The following CHCHD6 variants were observed in gnomAD, a reference collection of about 807,000 sequenced individuals.
CHCHD6 encodes the protein MICOS complex subunit MIC25.
Under a neutral mutation model 32.3 loss-of-function variants are expected in CHCHD6, and 28 were observed. That is an observed-to-expected ratio of 0.87 (90% CI 0.64 to 1.19). CHCHD6 has a LOEUF of 1.19. CHCHD6 is among the 50% of genes most tolerant of loss of function. The pLI is 0.00. For missense variants in CHCHD6, 333 were observed against 307.0 expected (o/e 1.08, Z -0.63); for synonymous variants, 122 against 117.5 (o/e 1.04, Z -0.25).
At chr3:126,808,649 AT>A (rs1939520824) in intron 4 of CHCHD6, among the ~76,000 whole-genome samples, 1 of 152,166 alleles carries the variant, frequency 6.6e-6, no homozygotes, top group African/African-American at 2.4e-5. Context: ...TTTTGGCATT[AT>A]TAACTGAAGA....
chr3:126,944,444 T>C (rs150571109), intron 6 of CHCHD6, among the ~76,000 whole-genome samples: 204 of 152,392 alleles, frequency 1.3e-3, no homozygotes, highest in African/African-American at 4.7e-3. Flanking sequence ...GTGAGGACCT[T>C]ACAGCCGAGG....
intron 4 of CHCHD6, among the ~76,000 whole-genome samples, chr3:126,842,227 ACT>A (rs1941118612): frequency 6.6e-6 from 1 of 152,016 alleles, no homozygotes. Flanking sequence ...ACAGAGTGAG[ACT>A]CTGTCTTTTT....
intron 4 of CHCHD6, among the ~76,000 whole-genome samples, chr3:126,744,575 G>T (rs567817641): frequency 1.2e-4 from 18 of 152,344 alleles, no homozygotes; most frequent in African/African-American, 3.8e-4. Flanking sequence ...TGGAAGCCCA[G>T]TTGGCAGTGG....
chr3:126,896,794 T>G (rs1300091724), intron 5 of CHCHD6, among the ~76,000 whole-genome samples: 3 of 152,118 alleles, frequency 2.0e-5, no homozygotes, highest in African/African-American at 7.2e-5. Flanking sequence ...GGATATGGAC[T>G]CGTGGGTGCT....
At chr3:126,763,639 C>T (rs890044906) in intron 4 of CHCHD6, among the ~76,000 whole-genome samples, 3 of 152,166 alleles carry the variant, frequency 2.0e-5, no homozygotes, top group Admixed American at 2.0e-4. Flanking sequence ...CCACACTCAG[C>T]CTCATTTCTT....
intron 7 of CHCHD6, 109 bp from the exon 8 acceptor site, chr3:126,960,087 C>A: frequency 7.3e-7 from 1 of 1,373,376 alleles, no homozygotes; most frequent in Non-Finnish European, 1.0e-6. Context: ...GGGAGACCAA[C>A]TCACAGCTGC....
Position 126,730,572 on chromosome 3 carries a change from C to T in CHCHD6, c.208C>T (p.Pro70Ser), listed in dbSNP as rs765482402. The change falls in exon 3 of 8, where the codon CCC becomes TCC. Residue 70 changes from proline (P) to serine (S), a missense_variant. Physicochemically the swap from Pro to Ser is moderately conservative, Grantham distance 74. Coordinates refer to ENST00000290913, the MANE Select transcript of CHCHD6 (RefSeq NM_032343.3). ...LRAPHKESTL[P>S]RSGSSGGQQP... ...TCTTTCCTTTGCAGAATCCACACTG[C>T]CCAGGTCGGGGAGCAGTGGTGGCCA... 8 of 1,613,776 alleles carry T rather than the reference C, an allele frequency of 5.0e-6. No homozygotes were observed. Among genetic ancestry groups the T allele is most frequent in the Non-Finnish European group, 6.8e-6 (8 of 1,179,834 alleles).
intron 4 of CHCHD6, among the ~76,000 whole-genome samples, chr3:126,796,160 C>T (rs1458164766): frequency 6.6e-6 from 1 of 152,062 alleles, no homozygotes; most frequent in Non-Finnish European, 1.5e-5. Context: ...GCCTGGGCAC[C>T]ATAGTGAGAA....
At chr3:126,847,573 T>C (rs950093744) in intron 4 of CHCHD6, among the ~76,000 whole-genome samples, 2 of 152,152 alleles carry the variant, frequency 1.3e-5, no homozygotes, top group Non-Finnish European at 2.9e-5. Context: ...AGTCTCAAGT[T>C]CCAGCCTACA....
chr3:126,739,098 T>G (rs1049410012), intron 4 of CHCHD6, among the ~76,000 whole-genome samples: 29 of 152,222 alleles, frequency 1.9e-4, no homozygotes, highest in Non-Finnish European at 4.3e-4. Flanking sequence ...TATGTGGAGA[T>G]CTGAAAATCC....
chr3:126,903,243 G>C (rs1576580237), intron 5 of CHCHD6, among the ~76,000 whole-genome samples: 1 of 152,226 alleles, frequency 6.6e-6, no homozygotes. Context: ...ATCTGTTAAT[G>C]CCTCCTTGGC....
chr3:126,734,649 C>T (rs1201504689), intron 4 of CHCHD6, among the ~76,000 whole-genome samples: 3 of 152,140 alleles, frequency 2.0e-5, no homozygotes, highest in Admixed American at 6.5e-5. Flanking sequence ...TGAAAAAGGC[C>T]AGATTGGTTA....
intron 4 of CHCHD6, among the ~76,000 whole-genome samples, chr3:126,790,472 G>T (rs1205229053): frequency 1.3e-5 from 2 of 152,212 alleles, no homozygotes; most frequent in Non-Finnish European, 2.9e-5. Flanking sequence ...ATCAGACGTA[G>T]ATTTGGTCCT....
intron 4 of CHCHD6, among the ~76,000 whole-genome samples, chr3:126,807,618 T>A (rs1190999816): frequency 1.3e-5 from 2 of 152,168 alleles, no homozygotes; most frequent in Non-Finnish European, 2.9e-5. Flanking sequence ...TTCAGAACAT[T>A]TCCCAGAACT....
At chr3:126,856,770 C>T (rs1031137865) in intron 5 of CHCHD6, among the ~76,000 whole-genome samples, 16 of 152,298 alleles carry the variant, frequency 1.1e-4, no homozygotes, top group African/African-American at 3.8e-4. Context: ...TGGCCAAGCC[C>T]TTGTCTTCAG....
intron 5 of CHCHD6, chr3:126,865,473 A>G (rs1942260016): frequency 1.4e-6 from 1 of 699,540 alleles, no homozygotes; most frequent in African/African-American, 2.0e-5. Flanking sequence ...CTACACTTTC[A>G]TCAACTCCAT....
At chr3:126,727,298 C>T (rs866897376) in intron 2 of CHCHD6, 112 bp downstream of exon 2, 13 of 647,898 alleles carry the variant, frequency 2.0e-5, no homozygotes, top group South Asian at 1.2e-4. Flanking sequence ...TTCTGGATGA[C>T]GTTAAGCAGC....
chr3:126,953,790 C>T (rs1011380819), intron 6 of CHCHD6, among the ~76,000 whole-genome samples: 1 of 152,212 alleles, frequency 6.6e-6, no homozygotes, highest in Non-Finnish European at 1.5e-5. Flanking sequence ...AATGTCCTTA[C>T]ACAGGGGTAC....
chr3:126,936,897 A>G (rs1379583248), intron 6 of CHCHD6, among the ~76,000 whole-genome samples: 1 of 152,132 alleles, frequency 6.6e-6, no homozygotes, highest in Non-Finnish European at 1.5e-5. Context: ...TGATAATTCC[A>G]TATGTGGCTT....
Sources: allele counts gnomAD v4.1 joint callset (sites outside exome capture counted in the v4.1 genomes callset), GRCh38; gene constraint gnomAD v4.1.1; transcripts MANE v1.5; gene names NCBI Gene and HGNC (gene_info 2026-07-23, HGNC 2026-07-21).